Variants in ZNF354B observed in about 807,000 individuals in gnomAD.
The protein encoded by ZNF354B is zinc finger protein 354B.
In ZNF354B, 10 loss-of-function variants were observed where a neutral mutation model predicts 12.9. The ratio of observed to expected loss-of-function variants is 0.77; its 90% CI spans 0.48 to 1.31. The LOEUF is 1.31. ZNF354B is among the 40% of genes most tolerant of loss of function. The probability of loss-of-function intolerance (pLI) is 0.00; values close to 1 mark genes in which losing one functional copy is unlikely to be tolerated. For missense variants in ZNF354B, 614 were observed against 711.7 expected, an observed-to-expected ratio of 0.86 and a Z score of 1.56; for synonymous variants, 260 against 243.7, an observed-to-expected ratio of 1.07 and a Z score of -0.62.
chr5:178,865,240 C>T (rs1357697758), intron 2 of ZNF354B, among the ~76,000 whole-genome samples: 1 of 151,972 alleles, frequency 6.6e-6, no homozygotes, highest in Non-Finnish European at 1.5e-5. Context: ...CCCCGCTCTA[C>T]CACTGAACAG....
intron 4 of ZNF354B, among the ~76,000 whole-genome samples, chr5:178,878,331 C>A (rs35245718): frequency 4.6e-5 from 7 of 150,822 alleles, no homozygotes; most frequent in Admixed American, 4.6e-4. Flanking sequence ...TGCAGTGAGC[C>A]GAGATTATGC....
chr5:178,881,717 C>CA (rs1300263845), intron 4 of ZNF354B, among the ~76,000 whole-genome samples: 1 of 152,062 alleles, frequency 6.6e-6, no homozygotes, highest in Admixed American at 6.6e-5. Flanking sequence ...AATCTCGGCT[C>CA]ACTGCAGCCT....
intron 2 of ZNF354B, among the ~76,000 whole-genome samples, chr5:178,862,274 A>T (rs1380016012): frequency 6.6e-6 from 1 of 151,420 alleles, no homozygotes; most frequent in Non-Finnish European, 1.5e-5. Context: ...GTTCCGTCGG[A>T]CCACCCAGTC....
intron 4 of ZNF354B, among the ~76,000 whole-genome samples, chr5:178,877,860 A>G (rs1757661155): frequency 6.6e-6 from 1 of 152,242 alleles, no homozygotes; most frequent in African/African-American, 2.4e-5. Context: ...AAATAGTTGT[A>G]TCAGACAGAT....
Position 178,883,523 on chromosome 5 carries a change from T to G in ZNF354B, c.1071T>G (p.Asn357Lys), listed in dbSNP as rs777422253. 3 of 1,614,150 alleles carry G rather than the reference T, an allele frequency of 1.9e-6. No homozygotes were observed. The highest frequency in any genetic ancestry group is 2.5e-6 in the Non-Finnish European group (3 of 1,179,994). The part of the protein sequence containing the change: ...IHLRKKSYLC[N>K]ECGNTFKSSS... ...TCAGAAAGAAGTCCTACTTATGTAA[T>G]GAATGTGGCAACACCTTTAAGTCTA... Residue 357 changes from asparagine to lysine, a missense_variant, in exon 5 of 5, where the codon AAT (asparagine) becomes AAG (lysine). Transcript: ENST00000322434.
At chr5:178,880,714 C>T (rs1183604164) in intron 4 of ZNF354B, among the ~76,000 whole-genome samples, 2 of 151,592 alleles carry the variant, frequency 1.3e-5, no homozygotes, top group Admixed American at 6.6e-5. Flanking sequence ...AGGCTGATCT[C>T]GAACTCCTAG....
intron 4 of ZNF354B, among the ~76,000 whole-genome samples, chr5:178,873,650 C>T (rs1398373386): frequency 1.3e-5 from 2 of 152,086 alleles, no homozygotes; most frequent in Non-Finnish European, 2.9e-5. Flanking sequence ...CTGCCAATAC[C>T]ACACAGTGTT....
chr5:178,869,803 C>T (rs899856943), intron 4 of ZNF354B, among the ~76,000 whole-genome samples: 1 of 152,080 alleles, frequency 6.6e-6, no homozygotes, highest in Non-Finnish European at 1.5e-5. Context: ...TGACCTTCGT[C>T]CTCCTTTTGT....
intron 3 of ZNF354B, 129 bp downstream of exon 3, chr5:178,866,499 T>C: frequency 1.5e-6 from 2 of 1,375,534 alleles, no homozygotes; most frequent in Non-Finnish European, 2.0e-6. Context: ...ATCAGATCTC[T>C]GTAAATAAAC....
At chr5:178,867,472 A>G (rs929416119) in intron 4 of ZNF354B, among the ~76,000 whole-genome samples, 1 of 152,216 alleles carries the variant, frequency 6.6e-6, no homozygotes, top group African/African-American at 2.4e-5. Context: ...AAGAGGTGGA[A>G]ACTGTCCCAT....
chr5:178,873,476 G>T (rs145586785), intron 4 of ZNF354B, among the ~76,000 whole-genome samples: 206 of 152,216 alleles, frequency 1.4e-3, no homozygotes, highest in Admixed American at 3.9e-3. Context: ...TGTTAGATGC[G>T]AGGTTCATTT....
intron 2 of ZNF354B, among the ~76,000 whole-genome samples, chr5:178,862,040 A>G (rs1757356237): frequency 6.6e-6 from 1 of 152,176 alleles, no homozygotes; most frequent in Non-Finnish European, 1.5e-5. Flanking sequence ...CTGCTGTACA[A>G]TGTGTTTAGG....
At chr5:178,874,112 A>G (rs531688620) in intron 4 of ZNF354B, among the ~76,000 whole-genome samples, 138 of 152,174 alleles carry the variant, frequency 9.1e-4, no homozygotes, top group African/African-American at 3.2e-3. Flanking sequence ...GTGCACCACT[A>G]TGCCCAGCTG....
intron 4 of ZNF354B, among the ~76,000 whole-genome samples, chr5:178,870,354 G>A (rs1295475065): frequency 6.6e-6 from 1 of 152,108 alleles, no homozygotes; most frequent in African/African-American, 2.4e-5. Context: ...TCAGCTCACT[G>A]CAGTGCCCTC....
chr5:178,876,513 C>T (rs375138036), intron 4 of ZNF354B, among the ~76,000 whole-genome samples: 10 of 152,340 alleles, frequency 6.6e-5, no homozygotes, highest in East Asian at 1.9e-4. Flanking sequence ...GGTCCCAGGA[C>T]GATGCATATT....
chr5:178,864,965 T>G (rs750340574), intron 2 of ZNF354B, among the ~76,000 whole-genome samples: 35 of 152,138 alleles, frequency 2.3e-4, no homozygotes, highest in Non-Finnish European at 4.1e-4. Context: ...AACAGTGATA[T>G]ATAACCTGCT....
Position 178,882,881 on chromosome 5 carries a change from A to C in ZNF354B, c.429A>C (p.Ile143=). 1 of 1,600,782 alleles carries C rather than the reference A, an allele frequency of 6.2e-7. No homozygotes were observed. The highest frequency in any genetic ancestry group is 1.4e-5 in the African/African-American group (1 of 73,994). ...KQQDKNENLQ[I]ISVAHTKILT... is the part of the protein sequence containing the mutation. ...AGGACAAAAATGAAAATTTACAAATAATTTCAGTTGCCCATACAAAAATCC... is the reference window on the plus strand; with the variant it reads ...AGGACAAAAATGAAAATTTACAAATCATTTCAGTTGCCCATACAAAAATCC... Residue 143 remains isoleucine, a synonymous_variant, in exon 5 of 5, where the codon ATA becomes ATC. Transcript: ENST00000322434.
intron 4 of ZNF354B, among the ~76,000 whole-genome samples, chr5:178,874,337 C>T (rs1381123411): frequency 6.6e-6 from 1 of 152,186 alleles, no homozygotes; most frequent in Non-Finnish European, 1.5e-5. Flanking sequence ...AATGTGCTTT[C>T]CAAGTTACTT....
chr5:178,874,043 A>G (rs1757600934), intron 4 of ZNF354B, among the ~76,000 whole-genome samples: 1 of 148,440 alleles, frequency 6.7e-6, no homozygotes, highest in South Asian at 2.1e-4. Flanking sequence ...TGCAACCTCC[A>G]CTTCCTGGGC....
Sources: gnomAD v4.1 joint callset for allele counts (sites outside exome capture counted in the v4.1 genomes callset) on GRCh38, gnomAD v4.1.1 for gene constraint, MANE v1.5 for transcripts, NCBI Gene and HGNC (gene_info 2026-07-23, HGNC 2026-07-21) for gene names.